PDE1C: variants seen among roughly 807,000 people sequenced by gnomAD.
The protein encoded by PDE1C is phosphodiesterase 1C.
Under a neutral mutation model 93.1 loss-of-function variants are expected in PDE1C, and 62 were observed. The observed-to-expected ratio is 0.67, with a 90% CI of 0.54 to 0.82. PDE1C has a LOEUF of 0.82. Among genes scored for constraint, PDE1C ranks in the 40% least tolerant of loss-of-function variants. The pLI is 0.00. For missense variants in PDE1C, 742 were observed against 884.6 expected (o/e 0.84, Z 2.04); for synonymous variants, 325 against 310.1 (o/e 1.05, Z -0.50).
At chr7:31,643,071 G>T in the PDE1C span, 3 of 1,613,992 alleles carry the variant, frequency 1.9e-6, no homozygotes, top group Non-Finnish European at 2.5e-6. Context: ...ATCCTCTGGG[G>T]TTTATGGTAA....
chr7:32,000,429 A>G (rs1785308818), intron 2 of PDE1C, among the ~76,000 whole-genome samples: 1 of 152,166 alleles, frequency 6.6e-6, no homozygotes, highest in Non-Finnish European at 1.5e-5. Flanking sequence ...TTTCACCAGG[A>G]AAGGCTGGTG....
In PDE1C at chr7:32,415,671, C is replaced by G. The variant is rs1004663722; in HGVS notation, c.310+12151G>C. 6.6e-5 allele frequency among the ~76,000 whole-genome samples: 10 copies of G among 152,002 alleles called. 2 individuals are homozygous for G. The highest frequency in any genetic ancestry group is 1.9e-4 in the East Asian group (1 of 5,152). On this transcript the variant is annotated intron_variant, in intron 1 of 1. Coordinates refer to the PDE1C transcript ENST00000672256. ...ACATTAGGGAGCCTGAATCCGAGGA[C>G]TGGGGATAACAGAACAAAAGGCTGG...
chr7:32,377,292 C>G (rs961780720), intron 1 of PDE1C, among the ~76,000 whole-genome samples: 3 of 152,196 alleles, frequency 2.0e-5, no homozygotes, highest in Non-Finnish European at 4.4e-5. Context: ...CCCCTCTCAC[C>G]AAAGCCAGCA....
chr7:31,742,799 C>T, the PDE1C span, among the ~76,000 whole-genome samples: 1 of 152,182 alleles, frequency 6.6e-6, no homozygotes, highest in Non-Finnish European at 1.5e-5. Context: ...GCCAGCCAAT[C>T]AAACTGCTCA....
the PDE1C span, among the ~76,000 whole-genome samples, chr7:31,740,419 T>G: frequency 6.6e-6 from 1 of 152,216 alleles, no homozygotes; most frequent in Non-Finnish European, 1.5e-5. Context: ...TAAGTAAGAC[T>G]TTTAGTGCAC....
chr7:31,651,308 C>A, the PDE1C span: 13 of 1,603,224 alleles, frequency 8.1e-6, no homozygotes, highest in South Asian at 1.3e-4. Flanking sequence ...AGTACCAGCC[C>A]ACACACCTGG....
At chr7:31,809,176 G>A (rs979152527) in intron 15 of PDE1C, 68 bp from the exon 16 acceptor site, 18 of 848,380 alleles carry the variant, frequency 2.1e-5, no homozygotes, top group African/African-American at 1.7e-4. Flanking sequence ...ACATCTTTAA[G>A]TCTGCCAAGT....
the PDE1C span, among the ~76,000 whole-genome samples, chr7:31,702,207 A>ATT: frequency 0.15 from 21,609 of 141,846 alleles, 1,702 homozygotes; most frequent in East Asian, 0.37. Flanking sequence ...ACCCTTATTT[A>ATT]TTTTTTTTTT....
At chr7:31,809,478 T>C (rs145085194) in intron 15 of PDE1C, among the ~76,000 whole-genome samples, 2 of 152,088 alleles carry the variant, frequency 1.3e-5, no homozygotes, top group African/African-American at 2.4e-5. Flanking sequence ...AAAATGGGTA[T>C]GTTAATACCT....
At chr7:31,818,225 T>C (rs73092409) in intron 14 of PDE1C, among the ~76,000 whole-genome samples, 2,561 of 152,310 alleles carry the variant, frequency 0.017, 22 homozygotes, top group South Asian at 0.032. Context: ...ATTATGTGCA[T>C]GTAAAGTATA....
chr7:31,682,365 T>G, the PDE1C span, among the ~76,000 whole-genome samples: 3 of 152,204 alleles, frequency 2.0e-5, no homozygotes, highest in Non-Finnish European at 4.4e-5. Flanking sequence ...CAAATAAGTA[T>G]ATGAAAACAT....
chr7:32,404,991 G>A (rs954699646), intron 1 of PDE1C, among the ~76,000 whole-genome samples: 2 of 152,176 alleles, frequency 1.3e-5, no homozygotes, highest in Non-Finnish European at 2.9e-5. Flanking sequence ...TAGATGGAGT[G>A]TTTATTTCAT....
At chr7:31,909,546 A>G (rs1047239039) in intron 2 of PDE1C, among the ~76,000 whole-genome samples, 5 of 152,282 alleles carry the variant, frequency 3.3e-5, no homozygotes, top group Middle Eastern at 3.4e-3. Flanking sequence ...ATGTCATGCC[A>G]GAGATTATCA....
intron 2 of PDE1C, among the ~76,000 whole-genome samples, chr7:31,985,978 C>A (rs1783351052): frequency 6.6e-6 from 1 of 152,176 alleles, no homozygotes; most frequent in African/African-American, 2.4e-5. Flanking sequence ...ACTCCCCTCA[C>A]AGTTAGGGTG....
In PDE1C at chr7:31,751,229, A is replaced by T. The variant is rs1190548045; in HGVS notation, c.*2155T>A. On this transcript the variant is annotated 3_prime_UTR_variant, in exon 18 of 18. Coordinates refer to ENST00000396191, the MANE Select transcript of PDE1C (RefSeq NM_001191057.4). ...CTGTAAGAATATAATCTGCATTTCT[A>T]TACAATCCATTATGCAAAAAACATG... 6.6e-6 allele frequency: 1 copy of T among 152,238 alleles called. No homozygotes were observed. The highest frequency in any genetic ancestry group is 6.5e-5 in the Admixed American group (1 of 15,288). The allele number at this position is 152,238 out of a possible 1,614,324, so 9.4% of individuals were successfully genotyped here. A position where few individuals can be genotyped will look rare whatever the true frequency, so the allele number is the denominator to read the frequency against.
At chr7:32,062,421 C>G (rs1794922544) in intron 1 of PDE1C, among the ~76,000 whole-genome samples, 1 of 152,116 alleles carries the variant, frequency 6.6e-6, no homozygotes, top group Admixed American at 6.5e-5. Context: ...GCCACTTGGC[C>G]TTCTTTCATT....
At chr7:31,633,180 CGGCCAGGTCTGGGGAGATTTACGCTGA>C in the PDE1C span, among the ~76,000 whole-genome samples, 2 of 151,646 alleles carry the variant, frequency 1.3e-5, no homozygotes, top group South Asian at 4.2e-4. Flanking sequence ...CTACCGCGAC[CGGCCAGGTCTGGGGAGATTTACGCTGA>C]GGAGAAAGGC....
the PDE1C span, among the ~76,000 whole-genome samples, chr7:31,731,110 A>T: frequency 0.019 from 2,899 of 152,026 alleles, 114 homozygotes; most frequent in African/African-American, 0.065. Flanking sequence ...GAATGTTATC[A>T]TGAGAAGGAA....
the PDE1C span, among the ~76,000 whole-genome samples, chr7:31,673,729 C>A: frequency 6.7e-6 from 1 of 149,350 alleles, no homozygotes; most frequent in Non-Finnish European, 1.5e-5. Flanking sequence ...TTTTTTTAAT[C>A]CAAATTGATA....
Sources: allele counts gnomAD v4.1 joint callset (sites outside exome capture counted in the v4.1 genomes callset), GRCh38; gene constraint gnomAD v4.1.1; transcripts MANE v1.5; gene names NCBI Gene and HGNC (gene_info 2026-07-23, HGNC 2026-07-21).